The following GRIK4 variants were observed in gnomAD, a reference collection of about 807,000 sequenced individuals.
GRIK4 encodes glutamate ionotropic receptor kainate type subunit 4, also known as glutamate receptor ionotropic, kainate 4.
In GRIK4, 40 loss-of-function variants were observed where a neutral mutation model predicts 104.9. The observed-to-expected ratio is 0.38, with a 90% CI of 0.30 to 0.50. The LOEUF (loss-of-function observed/expected upper bound fraction) is 0.50, where lower values mean the gene tolerates loss of function less well. Ranked by LOEUF, GRIK4 falls within the 20% of genes least tolerant of loss-of-function variation. GRIK4 has a pLI of 0.93. For missense variants in GRIK4, 1,047 were observed against 1,308.1 expected, an observed-to-expected ratio of 0.80 and a Z score of 3.08; for synonymous variants, 485 against 524.9, an observed-to-expected ratio of 0.92 and a Z score of 1.04.
At chr11:120,820,179 G>A (rs1565372174) in intron 6 of GRIK4, among the ~76,000 whole-genome samples, 1 of 152,044 alleles carries the variant, frequency 6.6e-6, no homozygotes, top group East Asian at 1.9e-4. Context: ...CCATCCAGGA[G>A]TACTACTTGC....
Position 120,967,303 on chromosome 11 carries a change from AG to A in GRIK4, c.2377del (p.Glu793LysfsTer24), listed in dbSNP as rs1329076634. 6.2e-7 allele frequency: 1 copy of A among 1,613,754 alleles called. No homozygotes were observed. The highest frequency in any genetic ancestry group is 8.5e-7 in the Non-Finnish European group (1 of 1,179,774). ...TGGGAAGGAGGGAAGTGCCCCAAGG[AG>A]GAAGATCACAGAGCTAAAGGTAAGG... ...KWWEGGKCPKEEDHRAKGLGM... is the reference protein window; with the variant it reads ...KWWEGGKCPKXEDHRAKGLGM... On this transcript the variant is annotated frameshift_variant, in exon 19 of 21. Transcript: ENST00000527524. LOFTEE classifies it high-confidence loss of function. The surrounding 1 kb of genome is among the most constrained non-coding windows in gnomAD (Gnocchi z 4.2).
intron 1 of GRIK4, among the ~76,000 whole-genome samples, chr11:120,552,053 G>A (rs1394098446): frequency 6.6e-6 from 1 of 152,190 alleles, no homozygotes; most frequent in Non-Finnish European, 1.5e-5. Flanking sequence ...CCTGAGCTCT[G>A]TGAGCCACTC....
intron 13 of GRIK4, among the ~76,000 whole-genome samples, chr11:120,906,040 G>A (rs1942860834): frequency 6.6e-6 from 1 of 152,188 alleles, no homozygotes; most frequent in East Asian, 1.9e-4. Context: ...GGGCCAAGGT[G>A]TGCTTGGACC....
intron 3 of GRIK4, among the ~76,000 whole-genome samples, chr11:120,742,302 C>T (rs932470335): frequency 1.3e-5 from 2 of 148,436 alleles, no homozygotes; most frequent in African/African-American, 5.0e-5. Context: ...GCCGAGTTTG[C>T]GCCAGTGTAC....
At chr11:120,978,852 GGCTTT>G (rs2062098311) in intron 19 of GRIK4, among the ~76,000 whole-genome samples, 1 of 152,152 alleles carries the variant, frequency 6.6e-6, no homozygotes, top group African/African-American at 2.4e-5. Context: ...AATGAGCAAT[GGCTTT>G]ATAAAAAGCC....
chr11:120,707,536 G>A (rs561625082), intron 3 of GRIK4, among the ~76,000 whole-genome samples: 1 of 152,184 alleles, frequency 6.6e-6, no homozygotes, highest in Non-Finnish European at 1.5e-5. Context: ...TGGACTCCCA[G>A]GGCCTAACCA....
intron 1 of GRIK4, among the ~76,000 whole-genome samples, chr11:120,540,834 A>G (rs976618310): frequency 6.6e-6 from 1 of 150,480 alleles, no homozygotes; most frequent in Non-Finnish European, 1.5e-5. Context: ...AAGAACAGCC[A>G]GGCACGGTGG....
chr11:120,748,341 C>G lies in GRIK4; in HGVS notation c.83-54352C>G, dbSNP rs144063481. Reference sequence around the variant, plus strand: ...AATAATTGATTCTGTCTTCTTCTTGCACCTCATTTTTCCTCACTTTTATTT... The same window carrying G: ...AATAATTGATTCTGTCTTCTTCTTGGACCTCATTTTTCCTCACTTTTATTT... On this transcript the variant is annotated intron_variant, in intron 3 of 20. Transcript: ENST00000527524. Among the ~76,000 whole-genome samples the G allele has an allele frequency of 4.9e-3, 739 of 152,236 alleles. 9 individuals are homozygous for G. Among genetic ancestry groups the G allele is most frequent in the African/African-American group, 0.017 (697 of 41,542 alleles).
chr11:120,636,968 C>T (rs1949404484), intron 1 of GRIK4, among the ~76,000 whole-genome samples: 1 of 152,188 alleles, frequency 6.6e-6, no homozygotes, highest in South Asian at 2.1e-4. Context: ...CCCAGGGTGC[C>T]CCCCAGTGAT....
intron 1 of GRIK4, among the ~76,000 whole-genome samples, chr11:120,528,591 A>G (rs1349526734): frequency 1.3e-5 from 2 of 152,200 alleles, no homozygotes; most frequent in East Asian, 3.8e-4. Context: ...GAGACTGGGT[A>G]ACTTATACAG....
intron 9 of GRIK4, among the ~76,000 whole-genome samples, chr11:120,865,068 T>C (rs953711291): frequency 2.0e-5 from 3 of 152,280 alleles, no homozygotes; most frequent in Non-Finnish European, 4.4e-5. Flanking sequence ...ACTAAGTTAA[T>C]ATAACAACCT....
At chr11:120,542,109 C>T (rs1948043855) in intron 1 of GRIK4, among the ~76,000 whole-genome samples, 2 of 152,150 alleles carry the variant, frequency 1.3e-5, no homozygotes, top group Non-Finnish European at 2.9e-5. Context: ...TAAAAACACA[C>T]ATAGACCAAT....
chr11:120,733,494 T>A (rs1252828888), intron 3 of GRIK4, among the ~76,000 whole-genome samples: 1 of 151,932 alleles, frequency 6.6e-6, no homozygotes, highest in Admixed American at 6.6e-5. Context: ...ATCTGTTGTA[T>A]TTTTTTGGGG....
intron 3 of GRIK4, among the ~76,000 whole-genome samples, chr11:120,715,418 G>A (rs927277252): frequency 3.9e-5 from 6 of 152,258 alleles, no homozygotes; most frequent in East Asian, 1.9e-4. Flanking sequence ...AAAGTAAAAC[G>A]AAACAAAAGC....
At chr11:120,529,558 TC>T (rs1947901177) in intron 1 of GRIK4, among the ~76,000 whole-genome samples, 1 of 152,212 alleles carries the variant, frequency 6.6e-6, no homozygotes, top group Non-Finnish European at 1.5e-5. Flanking sequence ...CTCTTAGATG[TC>T]CTTGGATAGT....
chr11:120,685,851 C>T (rs2135297971), intron 3 of GRIK4, among the ~76,000 whole-genome samples: 1 of 152,258 alleles, frequency 6.6e-6, no homozygotes, highest in Non-Finnish European at 1.5e-5. Context: ...TTCTTCTGCC[C>T]TAAGCCCTTT....
chr11:120,726,912 A>G (rs959848104), intron 3 of GRIK4, among the ~76,000 whole-genome samples: 9 of 152,246 alleles, frequency 5.9e-5, no homozygotes, highest in African/African-American at 1.2e-4. Context: ...AACATTTACA[A>G]TAAAACTAGG....
At chr11:120,985,347 G>A (rs1403675924) in intron 20 of GRIK4, among the ~76,000 whole-genome samples, 1 of 152,136 alleles carries the variant, frequency 6.6e-6, no homozygotes, top group Non-Finnish European at 1.5e-5. Context: ...TCTACTGTTT[G>A]TGCTTTGTAT....
Position 120,967,364 on chromosome 11 carries a change from C to T in GRIK4, c.2395+41C>T. ...GCCATCCTCCTCCTGCCCTAGAGGA[C>T]CAAAGTAGCTTGTTTCTCGTGTTCA... On this transcript the variant is annotated intron_variant, in intron 19 of 20. Coordinates refer to ENST00000527524, the MANE Select transcript of GRIK4 (RefSeq NM_014619.5). The surrounding 1 kb of genome is among the most constrained non-coding windows in gnomAD (Gnocchi z 4.2). 4 of 1,570,000 alleles carry T rather than the reference C, an allele frequency of 2.5e-6. No homozygotes were observed. In the South Asian group the frequency reaches 3.6e-5, roughly 14 times the overall value.
Sources: gnomAD v4.1 joint callset for allele counts (sites outside exome capture counted in the v4.1 genomes callset) on GRCh38, gnomAD v4.1.1 for gene constraint, Gnocchi (gnomAD v3.1) non-coding constraint, MANE v1.5 for transcripts, NCBI Gene and HGNC (gene_info 2026-07-23, HGNC 2026-07-21) for gene names.